The following TBC1D1 variants were observed in gnomAD, a reference collection of about 807,000 sequenced individuals.
The protein encoded by TBC1D1 is TBC1 (tre-2/USP6, BUB2, cdc16) domain family, member 1.
In TBC1D1, 89 loss-of-function variants were observed where a neutral mutation model predicts 125.6. The observed-to-expected ratio is 0.71, with a 90% CI of 0.60 to 0.85. The LOEUF is 0.85. Among genes scored for constraint, TBC1D1 ranks in the 40% least tolerant of loss-of-function variants. TBC1D1 has a pLI of 0.00. For missense variants in TBC1D1, 1,377 were observed against 1,469.2 expected, an observed-to-expected ratio of 0.94 and a Z score of 1.03; for synonymous variants, 565 against 564.1, an observed-to-expected ratio of 1.00 and a Z score of -0.02.
chr4:37,932,042 G>C (rs1723373278), intron 2 of TBC1D1, among the ~76,000 whole-genome samples: 1 of 152,106 alleles, frequency 6.6e-6, no homozygotes, highest in African/African-American at 2.4e-5. Flanking sequence ...AGAAAATCTT[G>C]AACTCATCTG....
chr4:37,978,678 A>G (rs1473386348), intron 2 of TBC1D1, among the ~76,000 whole-genome samples: 1 of 129,478 alleles, frequency 7.7e-6, no homozygotes, highest in Non-Finnish European at 1.7e-5. Flanking sequence ...ACATTCCATT[A>G]GAATCACTTC....
chr4:38,074,864 GAT>G (rs2152516153), intron 12 of TBC1D1, among the ~76,000 whole-genome samples: 2 of 151,752 alleles, frequency 1.3e-5, no homozygotes, highest in East Asian at 3.9e-4. Flanking sequence ...GGGTTCAAAT[GAT>G]TCTCCTGCCT....
intron 8 of TBC1D1, among the ~76,000 whole-genome samples, chr4:38,037,796 A>G (rs149588773): frequency 7.2e-4 from 109 of 152,334 alleles, no homozygotes; most frequent in African/African-American, 2.6e-3. Context: ...TCAAAGACCA[A>G]AAGAATAGTG....
intron 12 of TBC1D1, among the ~76,000 whole-genome samples, chr4:38,066,225 C>T (rs1422114499): frequency 6.7e-6 from 1 of 149,690 alleles, no homozygotes; most frequent in Non-Finnish European, 1.5e-5. Context: ...TAAATGTTAA[C>T]TCTTGCTAAT....
At chr4:38,134,912 A>G (rs927698962) in intron 19 of TBC1D1, among the ~76,000 whole-genome samples, 4 of 152,314 alleles carry the variant, frequency 2.6e-5, no homozygotes, top group East Asian at 1.9e-4. Flanking sequence ...GTCTATGCCA[A>G]CCCACCAGTA....
chr4:37,902,623 C>T (rs1218085786), intron 2 of TBC1D1, 111 bp downstream of exon 2: 10 of 891,176 alleles, frequency 1.1e-5, no homozygotes, highest in Middle Eastern at 4.7e-4. Flanking sequence ...ATTAATGCTG[C>T]AGTTATAAAT....
At chr4:38,048,333 A>G (rs1749866025) in intron 10 of TBC1D1, among the ~76,000 whole-genome samples, 1 of 152,202 alleles carries the variant, frequency 6.6e-6, no homozygotes, top group Non-Finnish European at 1.5e-5. Context: ...ATTTAGATCA[A>G]CAGGTTTGCA....
chr4:37,920,839 GGT>G (rs1416809506), intron 2 of TBC1D1, among the ~76,000 whole-genome samples: 1 of 152,072 alleles, frequency 6.6e-6, no homozygotes, highest in African/African-American at 2.4e-5. Flanking sequence ...GGCCGGGCGC[GGT>G]GGCTCACGCC....
At chr4:38,105,006 T>G (rs1025648264) in intron 15 of TBC1D1, among the ~76,000 whole-genome samples, 1 of 152,096 alleles carries the variant, frequency 6.6e-6, no homozygotes, top group Non-Finnish European at 1.5e-5. Flanking sequence ...CCTCCCGCCT[T>G]GGCCTCTCAA....
At chr4:38,116,715 T>A (rs943744197) in intron 16 of TBC1D1, among the ~76,000 whole-genome samples, 2 of 152,234 alleles carry the variant, frequency 1.3e-5, no homozygotes, top group Non-Finnish European at 2.9e-5. Context: ...TACCACGTGC[T>A]GCTCTTGCTG....
intron 2 of TBC1D1, chr4:38,006,712 C>T (rs1740328087): frequency 2.8e-6 from 1 of 353,258 alleles, no homozygotes; most frequent in Middle Eastern, 1.1e-3. Flanking sequence ...ATCTCCTGAC[C>T]TTGTGATCCG....
At chr4:38,124,556 CAG>C (rs1490335972) in intron 17 of TBC1D1, among the ~76,000 whole-genome samples, 3 of 152,142 alleles carry the variant, frequency 2.0e-5, no homozygotes, top group Non-Finnish European at 4.4e-5. Context: ...ACAGAGGAAA[CAG>C]AGACACTTTT....
chr4:37,989,002 A>C (rs1394620935), intron 2 of TBC1D1, among the ~76,000 whole-genome samples: 2 of 152,226 alleles, frequency 1.3e-5, no homozygotes, highest in Non-Finnish European at 2.9e-5. Context: ...AAAGAAATTG[A>C]AGTATTTTAC....
At chr4:38,076,040 A>G (rs1755536799) in intron 12 of TBC1D1, among the ~76,000 whole-genome samples, 2 of 152,188 alleles carry the variant, frequency 1.3e-5, no homozygotes, top group East Asian at 3.8e-4. Flanking sequence ...TCTGGAGATA[A>G]GTCCTGTATT....
intron 12 of TBC1D1, among the ~76,000 whole-genome samples, chr4:38,065,338 C>A (rs933586328): frequency 6.6e-6 from 1 of 152,148 alleles, no homozygotes; most frequent in Non-Finnish European, 1.5e-5. Context: ...TGGGTTACGC[C>A]CCCAAATGTC....
At chr4:38,008,188 C>T (rs377163850) in intron 2 of TBC1D1, among the ~76,000 whole-genome samples, 1 of 152,188 alleles carries the variant, frequency 6.6e-6, no homozygotes, top group Non-Finnish European at 1.5e-5. Context: ...TTATGCTGGC[C>T]ACCCAACATT....
intron 2 of TBC1D1, among the ~76,000 whole-genome samples, chr4:37,982,469 A>G (rs1734525673): frequency 6.6e-6 from 1 of 152,214 alleles, no homozygotes; most frequent in Non-Finnish European, 1.5e-5. Context: ...AATTTGAAAA[A>G]TGTGCTGCCT....
intron 2 of TBC1D1, among the ~76,000 whole-genome samples, chr4:37,915,192 G>A (rs1186656538): frequency 6.6e-6 from 1 of 152,050 alleles, no homozygotes; most frequent in Non-Finnish European, 1.5e-5. Context: ...TCTTGAGGAT[G>A]TACTCTTCCT....
At chr4:38,134,688 GTAGTTTTTTGGTGACAGAGCA>G in intron 19 of TBC1D1, among the ~76,000 whole-genome samples, 1 of 152,242 alleles carries the variant, frequency 6.6e-6, no homozygotes, top group Non-Finnish European at 1.5e-5. Flanking sequence ...AAATGACCTT[GTAGTTTTTTGGTGACAGAGCA>G]TAGAAAGTAA....
Sources: gnomAD v4.1 joint callset for allele counts (sites outside exome capture counted in the v4.1 genomes callset) on GRCh38, gnomAD v4.1.1 for gene constraint, MANE v1.5 for transcripts, NCBI Gene and HGNC (gene_info 2026-07-23, HGNC 2026-07-21) for gene names.